ALG9: variants seen among roughly 807,000 people sequenced by gnomAD.
ALG9 encodes ALG9 alpha-1,2-mannosyltransferase.
In ALG9, 55 loss-of-function variants were observed where a neutral mutation model predicts 81.8. That is an observed-to-expected ratio of 0.67 (90% CI 0.54 to 0.84). ALG9 has a LOEUF of 0.84. Among genes scored for constraint, ALG9 ranks in the 40% least tolerant of loss-of-function variants. The pLI is 0.00. For missense variants in ALG9, 629 were observed against 745.0 expected (o/e 0.84, Z 1.81); for synonymous variants, 278 against 274.3 (o/e 1.01, Z -0.13).
rs781842920 is a variant in ALG9, at chr11:111,870,215, C to A, written c.270+17G>T. On this transcript the variant is annotated intron_variant, in intron 2 of 14. Coordinates refer to ENST00000616540, the MANE Select transcript of ALG9 (RefSeq NM_024740.2). ...CAAAATCAAGAACAAAAAGAGAAAA[C>A]TAAAGAAATCACCTACTGGCTCCCA... 4 of 1,601,908 alleles carry A rather than the reference C, an allele frequency of 2.5e-6. No homozygotes were observed. The highest frequency in any genetic ancestry group is 3.4e-6 in the Non-Finnish European group (4 of 1,176,554).
At chr11:111,816,307 A>G (rs1170950121) in intron 13 of ALG9, among the ~76,000 whole-genome samples, 1 of 152,186 alleles carries the variant, frequency 6.6e-6, no homozygotes. Context: ...ATAAGTCATA[A>G]CATGTCCTTG....
chr11:111,813,807 G>C (rs144904079), intron 13 of ALG9, among the ~76,000 whole-genome samples: 57 of 152,242 alleles, frequency 3.7e-4, no homozygotes, highest in Non-Finnish European at 7.5e-4. Flanking sequence ...AAAAATTACA[G>C]TATCAAGTGT....
At chr11:111,832,741 T>C (rs1555114224) in intron 13 of ALG9, among the ~76,000 whole-genome samples, 1 of 152,228 alleles carries the variant, frequency 6.6e-6, no homozygotes, top group African/African-American at 2.4e-5. Flanking sequence ...GACCAATCTA[T>C]GTTTTCAAAG....
chr11:111,867,902 C>G (rs533807000), intron 3 of ALG9, among the ~76,000 whole-genome samples: 215 of 152,158 alleles, frequency 1.4e-3, no homozygotes, highest in Non-Finnish European at 2.7e-3. Context: ...CTTGTTACCG[C>G]CAAGTGGAGG....
intron 6 of ALG9, among the ~76,000 whole-genome samples, chr11:111,853,964 T>C (rs1760928182): frequency 6.6e-6 from 1 of 152,186 alleles, no homozygotes; most frequent in South Asian, 2.1e-4. Flanking sequence ...TTCCATTTTA[T>C]ACACATTTAT....
chr11:111,798,335 G>A (rs1189118455), intron 14 of ALG9: 1 of 169,272 alleles, frequency 5.9e-6, no homozygotes, highest in Non-Finnish European at 1.3e-5. Flanking sequence ...AGCACTGACA[G>A]GGCCTCCCAA....
At chr11:111,818,906 G>C (rs941968443) in intron 13 of ALG9, among the ~76,000 whole-genome samples, 3 of 152,078 alleles carry the variant, frequency 2.0e-5, no homozygotes, top group Non-Finnish European at 4.4e-5. Context: ...CAAACAGAGA[G>C]GGCCAAAGAC....
downstream of ALG9, among the ~76,000 whole-genome samples, chr11:111,777,248 T>A (rs1945730882): frequency 6.6e-6 from 1 of 151,898 alleles, no homozygotes; most frequent in Non-Finnish European, 1.5e-5. Flanking sequence ...CAGTAGGGAG[T>A]CACTGCTGTG....
At chr11:111,866,450 A>G (rs1264531177) in intron 3 of ALG9, among the ~76,000 whole-genome samples, 1 of 152,064 alleles carries the variant, frequency 6.6e-6, no homozygotes. Flanking sequence ...TAGATGTGCC[A>G]ATTGTTACCA....
chr11:111,857,299 C>A (rs1403617878), intron 6 of ALG9, among the ~76,000 whole-genome samples: 2 of 152,136 alleles, frequency 1.3e-5, no homozygotes, highest in African/African-American at 2.4e-5. Flanking sequence ...CTCTCAGAGT[C>A]TACTTTCTCA....
intron 13 of ALG9, among the ~76,000 whole-genome samples, chr11:111,833,681 C>T (rs899071168): frequency 4.6e-5 from 7 of 152,180 alleles, no homozygotes; most frequent in Non-Finnish European, 7.3e-5. Flanking sequence ...AAAAAATCCT[C>T]GCATTCAAAG....
At chr11:111,868,459 G>A (rs1963206075) in intron 3 of ALG9, 143 bp downstream of exon 3, 5 of 1,065,630 alleles carry the variant, frequency 4.7e-6, no homozygotes, top group Non-Finnish European at 6.6e-6. Context: ...ATTAATGCTT[G>A]TTGAATGGTG....
In ALG9 at chr11:111,865,164, A is replaced by T; in HGVS notation, c.476+17T>A. ...GTTTCCTCACAGCACTTTTAGAAGCAAAGTTTTTATACTCACTTGTAAAAG... is the reference window on the plus strand; with the variant it reads ...GTTTCCTCACAGCACTTTTAGAAGCTAAGTTTTTATACTCACTTGTAAAAG... On this transcript the variant is annotated intron_variant, in intron 4 of 14. Coordinates refer to ENST00000616540, the MANE Select transcript of ALG9 (RefSeq NM_024740.2). 6.5e-7 allele frequency: 1 copy of T among 1,532,272 alleles called. No individual in the cohort carries two copies. Among genetic ancestry groups the T allele is most frequent in the Non-Finnish European group, 8.8e-7 (1 of 1,139,576 alleles). 94.9% of individuals were successfully genotyped at this position (1,532,272 alleles called of 1,614,324 possible).
At chr11:111,859,737 G>A (rs1959361958) in intron 5 of ALG9, among the ~76,000 whole-genome samples, 1 of 152,002 alleles carries the variant, frequency 6.6e-6, no homozygotes, top group Non-Finnish European at 1.5e-5. Context: ...CATCTCTGCA[G>A]AACAACATCA....
At chr11:111,870,466 C>A in intron 1 of ALG9, 96 bp from the exon 2 acceptor site, 6 of 1,399,544 alleles carry the variant, frequency 4.3e-6, no homozygotes, top group Non-Finnish European at 5.6e-6. Context: ...ACAAAAAGGG[C>A]AAGGGACATC....
Position 111,844,719 on chromosome 11 carries a change from T to C in ALG9, c.900A>G (p.Thr300=), listed in dbSNP as rs372593445. 1 of 1,613,864 alleles carries C rather than the reference T, an allele frequency of 6.2e-7. No individual in the cohort carries two copies. Among genetic ancestry groups the C allele is most frequent in the Non-Finnish European group, 8.5e-7 (1 of 1,179,792 alleles). ...FTPHGPDLYG[T]EPWYFYLING... ...TAATTAAATAGAAATACCAGGGTTC[T>C]GTACCTGAGGGAGACATAAAGGTAA... Residue 300 remains threonine, a synonymous_variant, in exon 9 of 15, where the codon ACA becomes ACG. Coordinates refer to ENST00000616540, the MANE Select transcript of ALG9 (RefSeq NM_024740.2).
chr11:111,816,010 T>C (rs1951417380), intron 13 of ALG9, among the ~76,000 whole-genome samples: 1 of 152,226 alleles, frequency 6.6e-6, no homozygotes, highest in Non-Finnish European at 1.5e-5. Context: ...CAGTCCCCAG[T>C]AAGCAATGAA....
chr11:111,810,719 G>A (rs1224571864), intron 13 of ALG9, among the ~76,000 whole-genome samples: 1 of 152,180 alleles, frequency 6.6e-6, no homozygotes, highest in East Asian at 1.9e-4. Flanking sequence ...TCATGCCACT[G>A]CATTCCAGCC....
At position 111,857,820 on chromosome 11, in the gene ALG9, T is replaced by G. The variant is rs1958946656; in HGVS notation, c.566-83A>C. ...TATCAATTAAAAACTGATTAAAAAT[T>G]TACCTACATTATAAAATGTCAATAA... On this transcript the variant is annotated intron_variant, in intron 5 of 14. Coordinates refer to ENST00000616540, the MANE Select transcript of ALG9 (RefSeq NM_024740.2). The G allele has an allele frequency of 6.1e-6, 9 of 1,471,682 alleles. No homozygotes were observed. The South Asian group carries it at 1.1e-4, about 17-fold the overall frequency. 91.2% of individuals were successfully genotyped at this position (1,471,682 alleles called of 1,614,324 possible).
Sources: allele counts gnomAD v4.1 joint callset (sites outside exome capture counted in the v4.1 genomes callset), GRCh38; gene constraint gnomAD v4.1.1; transcripts MANE v1.5; gene names NCBI Gene and HGNC (gene_info 2026-07-23, HGNC 2026-07-21).